The following BUD13 variants were observed in gnomAD, a reference collection of about 807,000 sequenced individuals.
BUD13 encodes BUD13 homolog.
BUD13 carries 47 observed loss-of-function variants against 62.5 expected under a neutral mutation model. The ratio of observed to expected loss-of-function variants is 0.75; its 90% CI spans 0.60 to 0.96. The LOEUF (loss-of-function observed/expected upper bound fraction) is 0.96, where lower values mean the gene tolerates loss of function less well. Ranked by LOEUF, BUD13 falls within the 40% of genes least tolerant of loss-of-function variation. BUD13 has a pLI of 0.00. For synonymous variants in BUD13, 293 were observed against 280.1 expected, an observed-to-expected ratio of 1.05 and a Z score of -0.46; for missense variants, 821 against 790.9, an observed-to-expected ratio of 1.04 and a Z score of -0.46.
At chr11:116,749,608 C>T (rs1260054830) in intron 9 of BUD13, among the ~76,000 whole-genome samples, 1 of 152,134 alleles carries the variant, frequency 6.6e-6, no homozygotes, top group Non-Finnish European at 1.5e-5. Context: ...ACTGGTATGG[C>T]TGGAACCTGA....
intron 9 of BUD13, among the ~76,000 whole-genome samples, chr11:116,754,900 ATACAGTG>A (rs1210687683): frequency 1.3e-5 from 2 of 152,250 alleles, no homozygotes; most frequent in Admixed American, 6.5e-5. Flanking sequence ...ACAACTGACA[ATACAGTG>A]TAACAGAACT....
At chr11:116,756,764 A>C (rs978709912) in intron 9 of BUD13, among the ~76,000 whole-genome samples, 1 of 152,134 alleles carries the variant, frequency 6.6e-6, no homozygotes, top group Non-Finnish European at 1.5e-5. Flanking sequence ...TGCCTCCTAA[A>C]ACCATAAAGT....
intron 1 of BUD13, among the ~76,000 whole-genome samples, chr11:116,770,466 C>A (rs1301375321): frequency 1.3e-5 from 2 of 151,954 alleles, no homozygotes; most frequent in Non-Finnish European, 2.9e-5. Context: ...AGTTCCTTCC[C>A]TCTGCCTGAT....
chr11:116,757,984 C>G, intron 7 of BUD13, 34 bp from the exon 8 acceptor site: 3 of 1,608,090 alleles, frequency 1.9e-6, no homozygotes, highest in Non-Finnish European at 2.5e-6. Flanking sequence ...GTTTGCTATC[C>G]TGTATGACAT....
intron 2 of BUD13, among the ~76,000 whole-genome samples, chr11:116,767,194 A>T (rs1173040867): frequency 3.3e-5 from 5 of 151,954 alleles, no homozygotes; most frequent in Non-Finnish European, 5.9e-5. Flanking sequence ...TCTCAAAAAA[A>T]AAAAATAATA....
intron 1 of BUD13, 107 bp from the exon 2 acceptor site, chr11:116,770,329 G>T: frequency 1.1e-6 from 1 of 880,358 alleles, no homozygotes; most frequent in Non-Finnish European, 1.7e-6. Flanking sequence ...GATCCTGCAT[G>T]GTCCAGTCTT....
Position 116,748,596 on chromosome 11 carries a change from C to G in BUD13, c.1767-21G>C, listed in dbSNP as rs951680340. ...TGGATCTGCAATCAAAAGAGACATA[C>G]TATTCAGCTAGAACCCTGAAAGGGG... On this transcript the variant is annotated intron_variant, in intron 9 of 9. Transcript: ENST00000260210. The G allele has an allele frequency of 2.5e-6, 4 of 1,610,712 alleles. No homozygotes were observed. In the African/African-American group the frequency reaches 4.0e-5, roughly 16 times the overall value.
intron 1 of BUD13, among the ~76,000 whole-genome samples, chr11:116,771,421 C>T (rs664059): frequency 0.51 from 78,213 of 151,980 alleles, 20,377 homozygotes; most frequent in African/African-American, 0.57. Context: ...AACTATATAG[C>T]TGAGCCCAAA....
At chr11:116,755,272 T>C (rs1035456293) in intron 9 of BUD13, among the ~76,000 whole-genome samples, 1 of 152,236 alleles carries the variant, frequency 6.6e-6, no homozygotes, top group South Asian at 2.1e-4. Context: ...CTCTTTAACT[T>C]CCCATTATTT....
Position 116,772,823 on chromosome 11 carries a change from C to T in BUD13, c.142G>A (p.Gly48Arg). 1.3e-6 allele frequency: 2 copies of T among 1,577,234 alleles called. No homozygotes were observed. The highest frequency in any genetic ancestry group is 1.7e-6 in the Non-Finnish European group (2 of 1,165,620). Residue 48 changes from glycine (G) to arginine (R), a missense_variant and splice_region_variant, in exon 1 of 10, where the codon GGA becomes AGA. By Grantham distance (125) the Gly-to-Arg change is moderately radical (BLOSUM62 -2). Transcript: ENST00000260210. The stretch of plus-strand genomic sequence containing the variant: ...CCGCCCCGGCCGGTACCAACTCACC[C>T]CTTGCCGCCGGCCCCGCCAGGCTTC... ...RPKPGGAGGK[G>R]MRIVDDDVSW...
At chr11:116,770,609 C>T (rs561512868) in intron 1 of BUD13, among the ~76,000 whole-genome samples, 60 of 152,180 alleles carry the variant, frequency 3.9e-4, no homozygotes, top group African/African-American at 1.2e-3. Flanking sequence ...ATTCTCCTGC[C>T]TCAGCCTCCT....
rs1371275323 is a variant in BUD13 at position 116,760,756 on chromosome 11, C to T, written c.1233G>A (p.Arg411=). 4.3e-6 allele frequency: 7 copies of T among 1,614,082 alleles called. No individual in the cohort carries two copies. Among genetic ancestry groups the T allele is most frequent in the African/African-American group, 2.7e-5 (2 of 74,934 alleles). ...TGACCTTCTTTCCAGGAGGCTGACTCCTTCGAGGCGGGGACAGGTCAGAAT... is the reference window on the plus strand; with the variant it reads ...TGACCTTCTTTCCAGGAGGCTGACTTCTTCGAGGCGGGGACAGGTCAGAAT... ...SSDSDLSPPR[R]SQPPGKKAAH... Residue 411 remains arginine, a synonymous_variant, in exon 5 of 10, where the codon AGG becomes AGA. Coordinates refer to ENST00000260210, the MANE Select transcript of BUD13 (RefSeq NM_032725.4).
At chr11:116,772,761 G>A in intron 1 of BUD13, 61 bp downstream of exon 1, 3 of 1,443,480 alleles carry the variant, frequency 2.1e-6, no homozygotes, top group Non-Finnish European at 2.7e-6. Flanking sequence ...GGCGGCCGAG[G>A]GCGGAGTTGG....
At chr11:116,757,559 C>T (rs536656807) in intron 8 of BUD13, among the ~76,000 whole-genome samples, 1 of 152,184 alleles carries the variant, frequency 6.6e-6, no homozygotes, top group East Asian at 1.9e-4. Context: ...CTCGGCCTCC[C>T]GAAGTGCTAG....
At chr11:116,764,977 G>A (rs1398383255) in intron 3 of BUD13, among the ~76,000 whole-genome samples, 1 of 152,164 alleles carries the variant, frequency 6.6e-6, no homozygotes, top group Non-Finnish European at 1.5e-5. Context: ...CCAGAAATGA[G>A]TTGCTTCATT....
intron 1 of BUD13, among the ~76,000 whole-genome samples, 181 bp downstream of exon 1, chr11:116,772,641 G>A (rs914405107): frequency 3.3e-5 from 5 of 152,220 alleles, no homozygotes; most frequent in Non-Finnish European, 7.3e-5. Flanking sequence ...AGATGTAAGC[G>A]GGGCGGCAGA....
chr11:116,761,288 G>A (rs1208859157), intron 4 of BUD13, among the ~76,000 whole-genome samples: 1 of 152,078 alleles, frequency 6.6e-6, no homozygotes, highest in African/African-American at 2.4e-5. Context: ...CTGACCTGAG[G>A]TGATCTGCCC....
At chr11:116,771,802 T>C (rs957877702) in intron 1 of BUD13, among the ~76,000 whole-genome samples, 1 of 152,260 alleles carries the variant, frequency 6.6e-6, no homozygotes, top group African/African-American at 2.4e-5. Flanking sequence ...ACTGGGTATC[T>C]CAGTGCCTTA....
At chr11:116,766,605 T>G (rs1940533120) in intron 2 of BUD13, among the ~76,000 whole-genome samples, 1 of 152,202 alleles carries the variant, frequency 6.6e-6, no homozygotes, top group African/African-American at 2.4e-5. Context: ...TTTGTAAAAG[T>G]GGGATTCAAA....
Sources: allele counts gnomAD v4.1 joint callset (sites outside exome capture counted in the v4.1 genomes callset), GRCh38; gene constraint gnomAD v4.1.1; transcripts MANE v1.5; gene names NCBI Gene and HGNC (gene_info 2026-07-23, HGNC 2026-07-21).